CAMK2G: variants seen among roughly 807,000 people sequenced by gnomAD.
CAMK2G encodes calcium/calmodulin dependent protein kinase II gamma.
A neutral mutation model predicts 88.7 loss-of-function variants in CAMK2G; 23 were observed. The ratio of observed to expected loss-of-function variants is 0.26; its 90% CI spans 0.19 to 0.37. CAMK2G has a LOEUF of 0.37. Ranked by LOEUF, CAMK2G falls within the 10% of genes least tolerant of loss-of-function variation. CAMK2G has a pLI of 1.00. For synonymous variants in CAMK2G, 263 were observed against 294.8 expected, an observed-to-expected ratio of 0.89 and a Z score of 1.11; for missense variants, 476 against 780.8, an observed-to-expected ratio of 0.61 and a Z score of 4.65.
At chr10:73,817,252 G>T in intron 20 of CAMK2G, 135 bp from the exon 21 acceptor site, 1 of 1,278,680 alleles carries the variant, frequency 7.8e-7, no homozygotes, top group African/African-American at 1.5e-5. Context: ...GATCTTCCAG[G>T]CCTGCCTGCT....
chr10:73,854,646 C>G (rs1275641657), intron 3 of CAMK2G, among the ~76,000 whole-genome samples: 1 of 152,200 alleles, frequency 6.6e-6, no homozygotes, highest in East Asian at 1.9e-4. Flanking sequence ...TGGGTGGGCC[C>G]TGGCTGCTTC....
At chr10:73,824,179 C>T (rs2090133730) in intron 16 of CAMK2G, 95 bp from the exon 17 acceptor site, 1 of 852,868 alleles carries the variant, frequency 1.2e-6, no homozygotes, top group Non-Finnish European at 2.0e-6. Context: ...CCCCGCAGAC[C>T]CTATGATGAC....
chr10:73,857,207 T>C (rs2095099799), intron 3 of CAMK2G, among the ~76,000 whole-genome samples: 1 of 152,232 alleles, frequency 6.6e-6, no homozygotes, highest in Non-Finnish European at 1.5e-5. Flanking sequence ...TGGTCAGGCT[T>C]GAATAACTTG....
chr10:73,828,260 C>T, intron 14 of CAMK2G, 139 bp from the exon 15 acceptor site: 1 of 713,448 alleles, frequency 1.4e-6, no homozygotes, highest in Non-Finnish European at 2.5e-6. Flanking sequence ...GAGTCCAGCA[C>T]CAGAGGGTTA....
chr10:73,815,204 G>A lies in CAMK2G; in HGVS notation c.1578C>T (p.Asn526=). 4.3e-6 allele frequency: 7 copies of A among 1,614,266 alleles called. No homozygotes were observed. Among genetic ancestry groups the A allele is most frequent in the Non-Finnish European group, 5.9e-6 (7 of 1,180,038 alleles). ...CCTCCCCAATCACGTGGACGTGTGG[G>A]TTTAGGATGGTGGTATGGATAGGCT... ...NSKPIHTTIL[N]PHVHVIGEDA... Residue 526 remains asparagine (N), a synonymous_variant, in exon 22 of 23, where the codon AAC becomes AAT. Transcript: ENST00000423381.
At chr10:73,866,222 C>T (rs570638039) in intron 2 of CAMK2G, among the ~76,000 whole-genome samples, 33 of 152,288 alleles carry the variant, frequency 2.2e-4, no homozygotes, top group Admixed American at 8.5e-4. Context: ...ACAGGAAGGG[C>T]AGCAAGAAGT....
intron 14 of CAMK2G, among the ~76,000 whole-genome samples, chr10:73,836,483 G>A (rs1333032675): frequency 6.6e-6 from 1 of 152,156 alleles, no homozygotes; most frequent in Non-Finnish European, 1.5e-5. Context: ...GGGACCGCAC[G>A]ATGCCCCCAG....
At chr10:73,823,927 C>A in intron 17 of CAMK2G, 113 bp downstream of exon 17, 1 of 817,286 alleles carries the variant, frequency 1.2e-6, no homozygotes, top group South Asian at 1.3e-5. Flanking sequence ...CTACCTTCAG[C>A]TGAGCCTCTG....
chr10:73,874,438 G>A lies in CAMK2G; in HGVS notation c.24C>T (p.Thr8=). 1 of 1,521,820 alleles carries A rather than the reference G, an allele frequency of 6.6e-7. No individual in the cohort carries two copies. 94.3% of individuals were successfully genotyped at this position (1,521,820 alleles called of 1,614,324 possible). Residue 8 remains threonine, a synonymous_variant, in exon 1 of 23, where the codon ACC becomes ACT. Transcript: ENST00000423381. ...AGAGCTGGTAGTCGTCGGTGAAACG[G>A]GTGCAGGTGGCGGTGGTGGCCATGC... MATTATC[T]RFTDDYQLFE...
intron 10 of CAMK2G, 71 bp downstream of exon 10, chr10:73,847,154 A>G: frequency 6.6e-7 from 1 of 1,505,854 alleles, no homozygotes; most frequent in African/African-American, 1.4e-5. Flanking sequence ...GGTAAGAAGG[A>G]GGGGGTGGTG....
intron 3 of CAMK2G, among the ~76,000 whole-genome samples, chr10:73,856,252 A>G (rs2095031186): frequency 6.6e-6 from 1 of 152,226 alleles, no homozygotes; most frequent in Non-Finnish European, 1.5e-5. Flanking sequence ...AGGCTCCATA[A>G]GAAACCTGCC....
At chr10:73,853,600 A>G (rs2094807152) in intron 3 of CAMK2G, among the ~76,000 whole-genome samples, 1 of 152,222 alleles carries the variant, frequency 6.6e-6, no homozygotes, top group Non-Finnish European at 1.5e-5. Context: ...GCACCTAGCA[A>G]TGTTGACGGC....
At chr10:73,849,239 C>G (rs113189683) in intron 6 of CAMK2G, 22 bp downstream of exon 6, 1 of 1,606,976 alleles carries the variant, frequency 6.2e-7, no homozygotes, top group Non-Finnish European at 8.5e-7. Context: ...AGCAGAGGCA[C>G]GGAGGGGAGC....
At chr10:73,818,287 G>A (rs2086426551) in intron 19 of CAMK2G, 3 of 204,768 alleles carry the variant, frequency 1.5e-5, no homozygotes, top group South Asian at 8.7e-5. Flanking sequence ...ACCAGACAGG[G>A]CTCAGACTGA....
chr10:73,854,879 C>T (rs1349551979), intron 3 of CAMK2G, among the ~76,000 whole-genome samples: 1 of 152,166 alleles, frequency 6.6e-6, no homozygotes, highest in Non-Finnish European at 1.5e-5. Flanking sequence ...CATCCCATTA[C>T]CTACACTATT....
At chr10:73,853,269 A>T in intron 3 of CAMK2G, 23 bp from the exon 4 acceptor site, 1 of 1,605,892 alleles carries the variant, frequency 6.2e-7, no homozygotes, top group Non-Finnish European at 8.5e-7. Context: ...AGATGGGGAC[A>T]GAGATTAACA....
intron 20 of CAMK2G, 146 bp from the exon 21 acceptor site, chr10:73,817,263 G>T: frequency 8.4e-7 from 1 of 1,188,392 alleles, no homozygotes; most frequent in Non-Finnish European, 1.2e-6. Context: ...CCTGCCTGCT[G>T]AGCCACTCAG....
At chr10:73,866,517 C>T (rs944808110) in intron 2 of CAMK2G, among the ~76,000 whole-genome samples, 4 of 152,130 alleles carry the variant, frequency 2.6e-5, no homozygotes, top group Non-Finnish European at 4.4e-5. Flanking sequence ...CCTGCTGCCA[C>T]GTAAACATAC....
At chr10:73,869,823 C>T (rs1411377189) in intron 2 of CAMK2G, among the ~76,000 whole-genome samples, 1 of 152,196 alleles carries the variant, frequency 6.6e-6, no homozygotes, top group African/African-American at 2.4e-5. Context: ...TTTCCGGTAG[C>T]ATCTCTTAGT....
Sources: gnomAD v4.1 joint callset for allele counts (sites outside exome capture counted in the v4.1 genomes callset) on GRCh38, gnomAD v4.1.1 for gene constraint, MANE v1.5 for transcripts, NCBI Gene and HGNC (gene_info 2026-07-23, HGNC 2026-07-21) for gene names.